The following MMRN1 variants were observed in gnomAD, a reference collection of about 807,000 sequenced individuals.
The protein encoded by MMRN1 is multimerin 1.
A neutral mutation model predicts 100.7 loss-of-function variants in MMRN1; 94 were observed. The ratio of observed to expected loss-of-function variants is 0.93; its 90% CI spans 0.79 to 1.11. MMRN1 has a LOEUF of 1.11. MMRN1 is among the 50% of genes least tolerant of loss of function. MMRN1 has a pLI of 0.00. For synonymous variants in MMRN1, 575 were observed against 505.0 expected (o/e 1.14, Z -1.86); for missense variants, 1,606 against 1,439.1 (o/e 1.12, Z -1.88).
At chr4:89,911,232 C>A (rs1288464575) in intron 2 of MMRN1, among the ~76,000 whole-genome samples, 1 of 151,374 alleles carries the variant, frequency 6.6e-6, no homozygotes, top group East Asian at 1.9e-4. Flanking sequence ...CATTTACAAA[C>A]ACACAGAGCT....
intron 1 of MMRN1, among the ~76,000 whole-genome samples, chr4:89,886,762 T>C (rs1248889931): frequency 6.6e-6 from 1 of 152,152 alleles, no homozygotes; most frequent in African/African-American, 2.4e-5. Context: ...ATGGAGTACA[T>C]GTGATATTTT....
Position 89,953,533 on chromosome 4 carries a change from G to T in MMRN1, c.*115G>T. The T allele has an allele frequency of 1.1e-6, 1 of 877,954 alleles. No individual in the cohort carries two copies. The highest frequency in any genetic ancestry group is 1.6e-6 in the Non-Finnish European group (1 of 609,856). 54.4% of individuals were successfully genotyped at this position (877,954 alleles called of 1,614,324 possible). ...TTCTACAGGAAATGAAAATCAACTTGTTTTTTTAATATGAGTAAACTTGTA... is the reference window on the plus strand; with the variant it reads ...TTCTACAGGAAATGAAAATCAACTTTTTTTTTTAATATGAGTAAACTTGTA... On this transcript the variant is annotated 3_prime_UTR_variant, in exon 8 of 8. Transcript: ENST00000264790.
chr4:89,946,290 A>G (rs1033350996), intron 6 of MMRN1, among the ~76,000 whole-genome samples: 2 of 152,182 alleles, frequency 1.3e-5, no homozygotes, highest in Non-Finnish European at 2.9e-5. Context: ...ATAAAATGGG[A>G]GGACAGGCAA....
In MMRN1 at chr4:89,951,753, TAA is replaced by T; in HGVS notation, c.3265+10_3265+11del. The T allele has an allele frequency of 6.3e-7, 1 of 1,594,306 alleles. No homozygotes were observed. The highest frequency in any genetic ancestry group is 1.1e-5 in the South Asian group (1 of 89,034). ...TGGAAGAAAATGCTTTAGCTCCAGG[TAA>T]AAAAAAAGTATACGCATCTTTGGAT... On this transcript the variant is annotated splice_donor_region_variant and intron_variant, in intron 7 of 7. Transcript: ENST00000264790.
At chr4:89,931,883 T>G (rs1295825387) in intron 5 of MMRN1, among the ~76,000 whole-genome samples, 1 of 152,070 alleles carries the variant, frequency 6.6e-6, no homozygotes, top group African/African-American at 2.4e-5. Flanking sequence ...CCAAACCATA[T>G]TATTTCACCC....
chr4:89,902,299 A>T (rs1721417660), intron 1 of MMRN1, among the ~76,000 whole-genome samples: 1 of 151,752 alleles, frequency 6.6e-6, no homozygotes, highest in African/African-American at 2.4e-5. Flanking sequence ...CACAATGTGC[A>T]CATGTACCCT....
At position 89,895,336 on chromosome 4, in the gene MMRN1, G is replaced by A. The variant is rs748302988; in HGVS notation, c.365G>A (p.Ser122Asn). 5.0e-6 allele frequency: 8 copies of A among 1,613,790 alleles called. No homozygotes were observed. Among genetic ancestry groups the A allele is most frequent in the African/African-American group, 1.3e-5 (1 of 74,888 alleles). The change falls in exon 1 of 8, where the codon AGC (serine) becomes AAC (asparagine). Residue 122 changes from serine to asparagine, a missense_variant. Transcript: ENST00000264790. ...AATCTTACCCTCCCAACCAACGCTAGCATCAAGTTCAATCCTGGAGCAGAA... is the reference window on the plus strand; with the variant it reads ...AATCTTACCCTCCCAACCAACGCTAACATCAAGTTCAATCCTGGAGCAGAA... ...LQNLTLPTNA[S>N]IKFNPGAESV...
rs763068102 is a variant in MMRN1, at chr4:89,935,875, T to C, written c.2195T>C (p.Met732Thr). Reference sequence around the variant, plus strand: ...ATGGAAGATGGCCTCAATAAGACAATGACTATTATAAATAATGCTATTGAT... The same window carrying C: ...ATGGAAGATGGCCTCAATAAGACAACGACTATTATAAATAATGCTATTGAT... ...LEMEDGLNKTMTIINNAIDFI... is the reference protein window; with the variant it reads ...LEMEDGLNKTTTIINNAIDFI... Residue 732 changes from methionine (M) to threonine (T), a missense_variant, in exon 6 of 8, where the codon ATG (methionine) becomes ACG (threonine). By Grantham distance (81) the Met-to-Thr change is moderately conservative. Transcript: ENST00000264790. 35 of 1,610,916 alleles carry C rather than the reference T, an allele frequency of 2.2e-5. No homozygotes were observed. Among genetic ancestry groups the C allele is most frequent in the Admixed American group, 3.4e-5 (2 of 59,660 alleles).
In MMRN1 at chr4:89,895,703, T is replaced by C. The variant is rs1173797139; in HGVS notation, c.623+109T>C. ...AATTATTTCAAATTCAAGATGAAAT[T>C]GGATCATATTTATAATTTCACCATT... On this transcript the variant is annotated intron_variant, in intron 1 of 7. Coordinates refer to ENST00000264790, the MANE Select transcript of MMRN1 (RefSeq NM_007351.3). 1.8e-5 allele frequency: 25 copies of C among 1,427,222 alleles called. No homozygotes were observed. In the East Asian group the frequency reaches 2.5e-4, roughly 14 times the overall value. The allele number at this position is 1,427,222 out of a possible 1,614,324, so 88.4% of individuals were successfully genotyped here.
chr4:89,909,460 A>G (rs1027397917), intron 2 of MMRN1, 65 bp downstream of exon 2: 11 of 1,563,906 alleles, frequency 7.0e-6, no homozygotes, highest in Non-Finnish European at 4.4e-6. Context: ...CCGGGAATAT[A>G]TAATGTTATT....
At position 89,936,139 on chromosome 4, in the gene MMRN1, T is replaced by A; in HGVS notation, c.2459T>A (p.Phe820Tyr). ...GATGAGAAACTAAATCAGTCCAACTTCCAAAAGATGTATCAAATGTTCAAT... is the reference window on the plus strand; with the variant it reads ...GATGAGAAACTAAATCAGTCCAACTACCAAAAGATGTATCAAATGTTCAAT... ...PRDEKLNQSN[F>Y]QKMYQMFNET... The change falls in exon 6 of 8, where the codon TTC (phenylalanine) becomes TAC (tyrosine). Residue 820 changes from phenylalanine (F) to tyrosine (Y), a missense_variant. By Grantham distance (22) the Phe-to-Tyr change is conservative. Coordinates refer to ENST00000264790, the MANE Select transcript of MMRN1 (RefSeq NM_007351.3). 6.2e-7 allele frequency: 1 copy of A among 1,612,506 alleles called. No individual in the cohort carries two copies. Among genetic ancestry groups the A allele is most frequent in the Non-Finnish European group, 8.5e-7 (1 of 1,179,574 alleles).
chr4:89,915,392 A>T (rs1721879896), intron 3 of MMRN1, among the ~76,000 whole-genome samples: 1 of 151,564 alleles, frequency 6.6e-6, no homozygotes, highest in Non-Finnish European at 1.5e-5. Flanking sequence ...CTTAACATGT[A>T]CACCGAACAT....
intron 6 of MMRN1, among the ~76,000 whole-genome samples, chr4:89,947,919 C>T (rs1460661814): frequency 1.3e-5 from 2 of 152,058 alleles, no homozygotes; most frequent in Non-Finnish European, 2.9e-5. Context: ...GTGGCGTGAC[C>T]CTGGCTCACT....
At chr4:89,937,605 T>C (rs1722687395) in intron 6 of MMRN1, among the ~76,000 whole-genome samples, 2 of 152,092 alleles carry the variant, frequency 1.3e-5, no homozygotes, top group Non-Finnish European at 2.9e-5. Context: ...GGTAAAAAGT[T>C]CACCTCTCTA....
At chr4:89,899,683 A>T (rs140207485) in intron 1 of MMRN1, among the ~76,000 whole-genome samples, 1 of 152,062 alleles carries the variant, frequency 6.6e-6, no homozygotes, top group Non-Finnish European at 1.5e-5. Context: ...ATGTATCTTA[A>T]TTTTTACCAA....
intron 6 of MMRN1, among the ~76,000 whole-genome samples, chr4:89,939,494 C>T (rs951129946): frequency 1.6e-4 from 24 of 152,030 alleles, no homozygotes; most frequent in African/African-American, 5.6e-4. Flanking sequence ...TGAAAATTCC[C>T]AATATTCATA....
chr4:89,886,033 C>A (rs1038194217), intron 1 of MMRN1, among the ~76,000 whole-genome samples: 3 of 149,898 alleles, frequency 2.0e-5, no homozygotes, highest in African/African-American at 7.4e-5. Flanking sequence ...TTATTAGCAA[C>A]TATGCCTGGC....
rs752934960 is a variant in MMRN1 at position 89,935,359 on chromosome 4, T to C, written c.1679T>C (p.Met560Thr). The C allele has an allele frequency of 2.1e-5, 34 of 1,613,204 alleles. No individual in the cohort carries two copies. The East Asian group carries it at 6.5e-4, about 31-fold the overall frequency. ...AATATAAAGAAGCAGAGTTTGATGA[T>C]GCTGCAAATGTTTGAAGATTTGCAC... is the stretch of plus-strand genomic sequence containing the variant. ...HENIKKQSLMMLQMFEDLHIQ... is the reference protein window; with the variant it reads ...HENIKKQSLMTLQMFEDLHIQ... The change falls in exon 6 of 8, where the codon ATG becomes ACG. Residue 560 changes from methionine (M) to threonine (T), a missense_variant. Transcript: ENST00000264790.
intron 1 of MMRN1, 116 bp from the exon 2 acceptor site, chr4:89,909,160 C>G: frequency 1.9e-6 from 2 of 1,040,718 alleles, no homozygotes; most frequent in Non-Finnish European, 2.8e-6. Context: ...AGCAATCTTA[C>G]AAGGTTTCTG....
Sources: allele counts gnomAD v4.1 joint callset (sites outside exome capture counted in the v4.1 genomes callset), GRCh38; gene constraint gnomAD v4.1.1; transcripts MANE v1.5; gene names NCBI Gene and HGNC (gene_info 2026-07-23, HGNC 2026-07-21).